The following PHACTR3 variants were observed in gnomAD, a reference collection of about 807,000 sequenced individuals.
PHACTR3 encodes the protein phosphatase and actin regulator 3.
A neutral mutation model predicts 66.8 loss-of-function variants in PHACTR3; 16 were observed. That is an observed-to-expected ratio of 0.24 (90% CI 0.16 to 0.36). The LOEUF is 0.36. Ranked by LOEUF, PHACTR3 falls within the 10% of genes least tolerant of loss-of-function variation. The pLI is 1.00. For synonymous variants in PHACTR3, 323 were observed against 292.1 expected, an observed-to-expected ratio of 1.11 and a Z score of -1.08; for missense variants, 647 against 719.9, an observed-to-expected ratio of 0.90 and a Z score of 1.16.
chr20:59,635,744 TCATAATGTCTG>T (rs1413311753), intron 1 of PHACTR3, among the ~76,000 whole-genome samples: 4 of 151,910 alleles, frequency 2.6e-5, no homozygotes, highest in Non-Finnish European at 5.9e-5. Context: ...AAGAGGGGAG[TCATAATGTCTG>T]CATGGGGTGT....
At chr20:59,622,996 A>AAAAAAAAAAAAAAC (rs1568940612) in intron 1 of PHACTR3, among the ~76,000 whole-genome samples, 5 of 146,430 alleles carry the variant, frequency 3.4e-5, no homozygotes, top group African/African-American at 1.3e-4. Flanking sequence ...AAAAAAAAAA[A>AAAAAAAAAAAAAAC]AAAAACCCAA....
At chr20:59,673,481 G>A (rs1383107488) in intron 1 of PHACTR3, among the ~76,000 whole-genome samples, 1 of 152,216 alleles carries the variant, frequency 6.6e-6, no homozygotes, top group Non-Finnish European at 1.5e-5. Flanking sequence ...ACAAGGGGCA[G>A]GCCTTGGATT....
chr20:59,721,238 G>A (rs569679810), intron 1 of PHACTR3: 2 of 152,400 alleles, frequency 1.3e-5, no homozygotes, highest in African/African-American at 4.8e-5. Flanking sequence ...TCTGGCTCAT[G>A]GGGCCCAAGC....
At chr20:59,609,611 G>A (rs1047534209) in intron 1 of PHACTR3, among the ~76,000 whole-genome samples, 5 of 152,098 alleles carry the variant, frequency 3.3e-5, no homozygotes, top group Admixed American at 2.0e-4. Flanking sequence ...TGCAAATGTG[G>A]TCTAGTCTCT....
chr20:59,713,797 A>G (rs1179452330), intron 1 of PHACTR3, among the ~76,000 whole-genome samples: 1 of 149,858 alleles, frequency 6.7e-6, no homozygotes, highest in African/African-American at 2.5e-5. Context: ...TATGGCTTGC[A>G]TATGTTTGGC....
intron 1 of PHACTR3, among the ~76,000 whole-genome samples, chr20:59,648,486 A>G (rs994669748): frequency 6.6e-6 from 1 of 152,190 alleles, no homozygotes; most frequent in East Asian, 1.9e-4. Context: ...AAATAAGTCC[A>G]TCTCAGAGTC....
At chr20:59,745,977 C>G (rs974449020) in intron 2 of PHACTR3, among the ~76,000 whole-genome samples, 16 of 152,200 alleles carry the variant, frequency 1.1e-4, no homozygotes, top group Admixed American at 8.5e-4. Flanking sequence ...GGGACGGGGT[C>G]CACACAGAGC....
At chr20:59,605,517 C>G (rs1300507698) in intron 1 of PHACTR3, among the ~76,000 whole-genome samples, 2 of 152,204 alleles carry the variant, frequency 1.3e-5, no homozygotes, top group Non-Finnish European at 2.9e-5. Context: ...GGCCCCAGCT[C>G]CGGACGTCCC....
intron 1 of PHACTR3, among the ~76,000 whole-genome samples, chr20:59,706,198 G>A (rs1480317491): frequency 2.0e-5 from 3 of 152,198 alleles, no homozygotes; most frequent in African/African-American, 7.2e-5. Flanking sequence ...ATACTGGCCT[G>A]TAGTATCTGG....
At position 59,822,976 on chromosome 20, in the gene PHACTR3, A is replaced by G. The variant is rs74345872; in HGVS notation, c.1329-13529A>G. 7.8e-3 allele frequency among the ~76,000 whole-genome samples: 1,190 copies of G among 152,308 alleles called. 15 individuals are homozygous for G. The highest frequency in any genetic ancestry group is 0.027 in the African/African-American group (1,117 of 41,566). ...CTGGCAGGGGCCCTGCCCGAGCAAA[A>G]GATCAGAGGCAGACAATGCTCAGCG... is the stretch of plus-strand genomic sequence containing the variant. On this transcript the variant is annotated intron_variant, in intron 8 of 12. Transcript: ENST00000371015.
intron 1 of PHACTR3, among the ~76,000 whole-genome samples, chr20:59,696,830 C>A (rs2037316517): frequency 6.6e-6 from 1 of 152,166 alleles, no homozygotes; most frequent in African/African-American, 2.4e-5. Context: ...AAGGCTGATG[C>A]ATTTCCTCCC....
Position 59,837,053 on chromosome 20 carries a change from C to T in PHACTR3, c.1384+493C>T, listed in dbSNP as rs931583615. ...CCCTCTGTTGCTCCCAGCCTTGCAA[C>T]CCCTTGCATTTCCCGTTAGGTGGAC... On this transcript the variant is annotated intron_variant, in intron 9 of 12. Coordinates refer to ENST00000371015, the MANE Select transcript of PHACTR3 (RefSeq NM_080672.5). Among the ~76,000 whole-genome samples the T allele has an allele frequency of 2.0e-5, 3 of 152,320 alleles. No individual in the cohort carries two copies. The East Asian group carries it at 5.8e-4, about 29-fold the overall frequency.
chr20:59,758,716 C>T (rs962254477), intron 4 of PHACTR3, among the ~76,000 whole-genome samples: 1 of 152,200 alleles, frequency 6.6e-6, no homozygotes, highest in African/African-American at 2.4e-5. Flanking sequence ...ATAACTGGTC[C>T]AAATGACTGG....
intron 1 of PHACTR3, among the ~76,000 whole-genome samples, chr20:59,677,679 A>G (rs2036498289): frequency 6.6e-6 from 1 of 152,164 alleles, no homozygotes; most frequent in African/African-American, 2.4e-5. Flanking sequence ...CTTCCCTGAA[A>G]TGCTTGCTTT....
intron 7 of PHACTR3, among the ~76,000 whole-genome samples, chr20:59,793,033 T>C (rs2041149401): frequency 7.0e-6 from 1 of 143,828 alleles, no homozygotes; most frequent in African/African-American, 2.6e-5. Context: ...TATAGACATG[T>C]ACCACCACAC....
intron 1 of PHACTR3, among the ~76,000 whole-genome samples, chr20:59,711,978 T>G (rs2037928325): frequency 6.6e-6 from 1 of 152,180 alleles, no homozygotes; most frequent in Non-Finnish European, 1.5e-5. Context: ...CTTTATATAT[T>G]AAGGACTTTT....
chr20:59,832,742 A>G (rs2042419999), intron 8 of PHACTR3, among the ~76,000 whole-genome samples: 1 of 152,140 alleles, frequency 6.6e-6, no homozygotes, highest in Non-Finnish European at 1.5e-5. Context: ...CTCGGTGCAC[A>G]CACACCTCCA....
chr20:59,741,136 C>T (rs6027069), intron 1 of PHACTR3, among the ~76,000 whole-genome samples: 24,280 of 152,230 alleles, frequency 0.16, 3,824 homozygotes, highest in African/African-American at 0.41. Flanking sequence ...GTGTTAGCCA[C>T]ACCGTCCAGC....
chr20:59,821,245 C>G (rs2042021837), intron 8 of PHACTR3, among the ~76,000 whole-genome samples: 1 of 152,168 alleles, frequency 6.6e-6, no homozygotes, highest in South Asian at 2.1e-4. Flanking sequence ...CGACTCCAGA[C>G]CGCACGTTAG....
Sources: allele counts gnomAD v4.1 joint callset (sites outside exome capture counted in the v4.1 genomes callset), GRCh38; gene constraint gnomAD v4.1.1; transcripts MANE v1.5; gene names NCBI Gene and HGNC (gene_info 2026-07-23, HGNC 2026-07-21).